Variants in PCDHA1 observed in about 807,000 individuals in gnomAD.
PCDHA1 encodes protocadherin alpha-1.
PCDHA1 carries 42 observed loss-of-function variants against 61.3 expected under a neutral mutation model. That is an observed-to-expected ratio of 0.69 (90% CI 0.54 to 0.89). The LOEUF (loss-of-function observed/expected upper bound fraction) is 0.89, where lower values mean the gene tolerates loss of function less well. Ranked by LOEUF, PCDHA1 falls within the 40% of genes least tolerant of loss-of-function variation. The pLI, the probability that PCDHA1 is intolerant of heterozygous loss-of-function variation, is 0.00. For synonymous variants in PCDHA1, 610 were observed against 553.8 expected (o/e 1.10, Z -1.43); for missense variants, 1,256 against 1,235.3 (o/e 1.02, Z -0.25).
At chr5:140,848,934 C>A in intron 1 of PCDHA1, 1 of 1,607,578 alleles carries the variant, frequency 6.2e-7, no homozygotes, top group Non-Finnish European at 8.5e-7. Context: ...GGAATCCAGG[C>A]CGCTTGACTC....
chr5:140,792,136 A>G (rs1157935998), intron 1 of PCDHA1, among the ~76,000 whole-genome samples: 1 of 152,126 alleles, frequency 6.6e-6, no homozygotes, highest in African/African-American at 2.4e-5. Context: ...ACTTTAGGGG[A>G]AATTTTTTTC....
At chr5:140,939,973 A>G (rs782675791) in intron 1 of PCDHA1, among the ~76,000 whole-genome samples, 4 of 152,234 alleles carry the variant, frequency 2.6e-5, no homozygotes, top group Non-Finnish European at 4.4e-5. Flanking sequence ...TCCACGATGA[A>G]TAGTGAATTG....
At chr5:140,848,137 T>G in intron 1 of PCDHA1, 1 of 195,782 alleles carries the variant, frequency 5.1e-6, no homozygotes, top group Non-Finnish European at 1.1e-5. Context: ...ATACAAAACT[T>G]TTAGAGGCAG....
At chr5:140,857,289 G>C in intron 1 of PCDHA1, 2 of 1,598,692 alleles carry the variant, frequency 1.3e-6, no homozygotes, top group African/African-American at 1.3e-5. Flanking sequence ...GCTCTGGACC[G>C]CGAGAGGGTG....
At chr5:140,825,916 C>G (rs1236505717) in intron 1 of PCDHA1, 2 of 152,402 alleles carry the variant, frequency 1.3e-5, no homozygotes, top group African/African-American at 4.8e-5. Context: ...CTACGCTAGA[C>G]AGGTGTCCTC....
intron 1 of PCDHA1, chr5:140,796,600 G>A (rs986304665): frequency 3.3e-5 from 53 of 1,612,140 alleles, no homozygotes; most frequent in Non-Finnish European, 4.0e-5. Flanking sequence ...GCCGCCTCTG[G>A]GCAGCAACGT....
intron 1 of PCDHA1, among the ~76,000 whole-genome samples, chr5:140,898,621 C>T (rs1356286726): frequency 8.5e-5 from 13 of 152,312 alleles, no homozygotes; most frequent in African/African-American, 2.6e-4. Flanking sequence ...AGTCAGGTAG[C>T]ATAATGCCTC....
chr5:140,824,004 G>A lies in PCDHA1; in HGVS notation c.2394+35320G>A, dbSNP rs2150131362. The A allele has an allele frequency of 1.3e-5, 21 of 1,613,988 alleles. No individual in the cohort carries two copies. The African/African-American group carries it at 2.4e-4, about 18-fold the overall frequency. ...AGCCCACTCTGTTGTGCTCCAGCGC[G>A]GTGGGGAGCTGGTCGTACTCGCAGC... On this transcript the variant is annotated intron_variant, in intron 1 of 3. Transcript: ENST00000504120.
chr5:140,787,606 C>A lies in PCDHA1; in HGVS notation c.1316C>A (p.Ala439Asp), dbSNP rs782538521. The change falls in exon 1 of 4, where the codon GCC (alanine) becomes GAC (aspartate). Residue 439 changes from alanine (A) to aspartate (D), a missense_variant. Physicochemically the swap from Ala to Asp is moderately radical, Grantham distance 126. Coordinates refer to ENST00000504120, the MANE Select transcript of PCDHA1 (RefSeq NM_018900.4). ...GGCTCGCCTTCGCTGTGGGCCACGG[C>A]CAGGGTGTCCGTGGAGGTGGCCGAC... ...DGGSPSLWAT[A>D]RVSVEVADVN... is the part of the protein sequence containing the mutation. 1 of 1,614,022 alleles carries A rather than the reference C, an allele frequency of 6.2e-7. No homozygotes were observed. The highest frequency in any genetic ancestry group is 8.5e-7 in the Non-Finnish European group (1 of 1,180,006).
chr5:140,802,505 G>A (rs376536820), intron 1 of PCDHA1: 1 of 1,614,044 alleles, frequency 6.2e-7, no homozygotes, highest in African/African-American at 1.3e-5. Flanking sequence ...CTTCACTGTG[G>A]GCCACGGCCA....
chr5:140,977,850 T>C (rs1416064195), intron 1 of PCDHA1, among the ~76,000 whole-genome samples: 5 of 152,236 alleles, frequency 3.3e-5, no homozygotes, highest in African/African-American at 1.2e-4. Flanking sequence ...TATGGCTTTG[T>C]TTCTACCAAA....
chr5:140,886,006 G>C (rs2060811194), intron 1 of PCDHA1, among the ~76,000 whole-genome samples: 2 of 152,088 alleles, frequency 1.3e-5, no homozygotes, highest in Non-Finnish European at 2.9e-5. Context: ...AAATAGTAAA[G>C]GGAGATGCTA....
intron 2 of PCDHA1, among the ~76,000 whole-genome samples, chr5:140,982,179 T>C (rs950269342): frequency 6.6e-6 from 1 of 152,396 alleles, no homozygotes. Flanking sequence ...CTTAGTCCTC[T>C]GATGGGCTTC....
At position 140,788,086 on chromosome 5, in the gene PCDHA1, C is replaced by T; in HGVS notation, c.1796C>T (p.Ala599Val). The T allele has an allele frequency of 6.2e-7, 1 of 1,613,988 alleles. No individual in the cohort carries two copies. Among genetic ancestry groups the T allele is most frequent in the Non-Finnish European group, 8.5e-7 (1 of 1,179,908 alleles). ...GTGGCGAAGGTGCGCGCAGTGGACGCCGACTCGGGCTACAACGCGTGGCTG... is the reference window on the plus strand; with the variant it reads ...GTGGCGAAGGTGCGCGCAGTGGACGTCGACTCGGGCTACAACGCGTGGCTG... Reference protein sequence around the residue: ...HVVAKVRAVDADSGYNAWLSY... With the variant: ...HVVAKVRAVDVDSGYNAWLSY... The change falls in exon 1 of 4, where the codon GCC becomes GTC. Residue 599 changes from alanine to valine, a missense_variant. Physicochemically the swap from Ala to Val is moderately conservative, Grantham distance 64 (BLOSUM62 0). Transcript: ENST00000504120.
intron 1 of PCDHA1, chr5:140,969,554 TC>T: frequency 8.2e-7 from 1 of 1,222,072 alleles, no homozygotes; most frequent in Non-Finnish European, 1.1e-6. Context: ...TGAAGCCTTG[TC>T]CATAAAATTG....
intron 1 of PCDHA1, chr5:140,815,235 G>A (rs2126662512): frequency 6.6e-5 from 10 of 152,072 alleles, no homozygotes; most frequent in African/African-American, 2.2e-4. Context: ...TTTGTTAATT[G>A]TTGTTTGCAG....
In PCDHA1 at chr5:140,875,509, C is replaced by A. The variant is rs1554167713; in HGVS notation, c.2394+86825C>A. On this transcript the variant is annotated intron_variant, in intron 1 of 3. Coordinates refer to ENST00000504120, the MANE Select transcript of PCDHA1 (RefSeq NM_018900.4). The stretch of plus-strand genomic sequence containing the variant: ...CGGACCAAGAGGCCCGGGATCCCAG[C>A]GTCTGCTGCTCTCGCTTCTGCTCCT... 3.7e-6 allele frequency: 6 copies of A among 1,613,576 alleles called. No individual in the cohort carries two copies. The Admixed American group carries it at 6.7e-5, about 18-fold the overall frequency.
chr5:140,966,938 G>T, intron 1 of PCDHA1: 1 of 1,604,146 alleles, frequency 6.2e-7, no homozygotes, highest in African/African-American at 1.3e-5. Flanking sequence ...CGGCGCGCTC[G>T]TGGGCAACGT....
rs1231696084 is a variant in PCDHA1 at position 140,858,276 on chromosome 5, T to C, written c.2394+69592T>C. The C allele has an allele frequency of 3.1e-6, 5 of 1,594,740 alleles. No individual in the cohort carries two copies. The highest frequency in any genetic ancestry group is 4.3e-6 in the Non-Finnish European group (5 of 1,166,444). On this transcript the variant is annotated intron_variant, in intron 1 of 3. Coordinates refer to ENST00000504120, the MANE Select transcript of PCDHA1 (RefSeq NM_018900.4). ...CCCACGCTGGTGTGCTCTAGCGCGGTGGGGAGCTGGTCTTACTCGCAGCAG... is the reference window on the plus strand; with the variant it reads ...CCCACGCTGGTGTGCTCTAGCGCGGCGGGGAGCTGGTCTTACTCGCAGCAG...
Sources: gnomAD v4.1 joint callset for allele counts (sites outside exome capture counted in the v4.1 genomes callset) on GRCh38, gnomAD v4.1.1 for gene constraint, MANE v1.5 for transcripts, NCBI Gene and HGNC (gene_info 2026-07-23, HGNC 2026-07-21) for gene names.